CDH13: variants seen among roughly 807,000 people sequenced by gnomAD.
The protein encoded by CDH13 is cadherin 13, also known as cadherin-13.
A neutral mutation model predicts 63.8 loss-of-function variants in CDH13; 24 were observed. The ratio of observed to expected loss-of-function variants is 0.38; its 90% CI spans 0.27 to 0.53. CDH13 has a LOEUF of 0.53. Ranked by LOEUF, CDH13 falls within the 20% of genes least tolerant of loss-of-function variation. The pLI, the probability that CDH13 is intolerant of heterozygous loss-of-function variation, is 0.85. For missense variants in CDH13, 1,049 were observed against 903.1 expected (o/e 1.16, Z -2.07); for synonymous variants, 503 against 355.3 (o/e 1.42, Z -4.67).
intron 3 of CDH13, among the ~76,000 whole-genome samples, chr16:83,067,270 G>T (rs1324990666): frequency 3.3e-5 from 5 of 152,148 alleles, no homozygotes; most frequent in African/African-American, 1.2e-4. Context: ...TGGAGGCTCT[G>T]CATAGTACAG....
chr16:83,461,785 G>A (rs1193438106), intron 6 of CDH13, among the ~76,000 whole-genome samples: 1 of 152,232 alleles, frequency 6.6e-6, no homozygotes, highest in Non-Finnish European at 1.5e-5. Flanking sequence ...TAAGTTTGTA[G>A]CTCATCGGAG....
chr16:83,166,730 G>C (rs533795217), intron 4 of CDH13, among the ~76,000 whole-genome samples: 1 of 152,096 alleles, frequency 6.6e-6, no homozygotes, highest in Non-Finnish European at 1.5e-5. Context: ...TTTTAACTTT[G>C]TGTTGATAAA....
chr16:82,934,841 C>T (rs1029004834), intron 2 of CDH13, among the ~76,000 whole-genome samples: 9 of 152,210 alleles, frequency 5.9e-5, no homozygotes, highest in South Asian at 2.1e-4. Context: ...TCAGCCTGGA[C>T]TTCATTGTCC....
intron 7 of CDH13, among the ~76,000 whole-genome samples, chr16:83,569,446 G>T (rs1904366972): frequency 6.6e-6 from 1 of 152,262 alleles, no homozygotes; most frequent in South Asian, 2.1e-4. Flanking sequence ...GTGGATACTG[G>T]GCTGCAGCCT....
chr16:82,802,579 G>T (rs938444047), intron 1 of CDH13, among the ~76,000 whole-genome samples: 2 of 152,152 alleles, frequency 1.3e-5, no homozygotes, highest in African/African-American at 2.4e-5. Context: ...GAGTAGGTGT[G>T]CCCACAGCCC....
chr16:82,685,554 G>A (rs954133368), intron 1 of CDH13, among the ~76,000 whole-genome samples: 1 of 152,212 alleles, frequency 6.6e-6, no homozygotes, highest in African/African-American at 2.4e-5. Flanking sequence ...GACATCTGGA[G>A]AAAGAATTAT....
intron 5 of CDH13, among the ~76,000 whole-genome samples, chr16:83,330,172 T>C (rs76719419): frequency 0.084 from 12,725 of 152,246 alleles, 684 homozygotes; most frequent in Non-Finnish European, 0.12. Flanking sequence ...AATAAAATTA[T>C]GTATAACTAA....
chr16:82,997,815 G>T (rs11640721), intron 2 of CDH13, among the ~76,000 whole-genome samples: 2 of 152,082 alleles, frequency 1.3e-5, no homozygotes, highest in African/African-American at 4.8e-5. Context: ...CATTTTCTGG[G>T]CTATTTTTAA....
At chr16:83,081,071 G>A (rs1403417391) in intron 3 of CDH13, among the ~76,000 whole-genome samples, 1 of 151,596 alleles carries the variant, frequency 6.6e-6, no homozygotes, top group Non-Finnish European at 1.5e-5. Context: ...AGTACAGACG[G>A]GGTTTCTCCA....
At chr16:83,052,776 C>CAAAAAAAAAAAAAAAAAAAAAAAA (rs71148805) in intron 3 of CDH13, among the ~76,000 whole-genome samples, 1 of 92,920 alleles carries the variant, frequency 1.1e-5, no homozygotes, top group Non-Finnish European at 2.1e-5. Flanking sequence ...GACTTTATCT[C>CAAAAAAAAAAAAAAAAAAAAAAAA]AAAAAAAAAA....
intron 6 of CDH13, among the ~76,000 whole-genome samples, chr16:83,349,274 TTTTCTGA>T (rs1437441898): frequency 1.4e-4 from 22 of 152,262 alleles, no homozygotes; most frequent in African/African-American, 4.6e-4. Flanking sequence ...GAGTTTGGTG[TTTTCTGA>T]TGGCCAAGAC....
rs528567693 is a variant in CDH13, at chr16:83,510,749, T to A, written c.960+24094T>A. On this transcript the variant is annotated intron_variant, in intron 7 of 13. Coordinates refer to ENST00000567109, the MANE Select transcript of CDH13 (RefSeq NM_001257.5). ...CTGTCTAAGCCAAAGGGGGTTTGGG[T>A]TTCTTTCACCACCCACCTGTGCACA... Among the ~76,000 whole-genome samples the A allele has an allele frequency of 1.6e-3, 243 of 152,308 alleles. 3 individuals carry two copies. The highest frequency in any genetic ancestry group is 5.7e-3 in the African/African-American group (236 of 41,562).
chr16:83,560,885 G>A (rs1051664793), intron 7 of CDH13, among the ~76,000 whole-genome samples: 4 of 140,014 alleles, frequency 2.9e-5, no homozygotes, highest in South Asian at 5.1e-4. Context: ...AAGGACAAGT[G>A]TACCATAAGG....
chr16:82,655,834 G>A (rs955090044), intron 1 of CDH13, among the ~76,000 whole-genome samples: 1 of 152,078 alleles, frequency 6.6e-6, no homozygotes, highest in Admixed American at 6.5e-5. Context: ...GAGTAGGCAA[G>A]GTCGCCCAGA....
chr16:83,508,852 C>A (rs1291579440), intron 7 of CDH13, among the ~76,000 whole-genome samples: 3 of 152,180 alleles, frequency 2.0e-5, no homozygotes, highest in African/African-American at 7.2e-5. Flanking sequence ...TTTTAGATAT[C>A]TTGTAACAGG....
chr16:83,708,919 G>A (rs1323722059), intron 10 of CDH13, among the ~76,000 whole-genome samples: 3 of 152,178 alleles, frequency 2.0e-5, no homozygotes, highest in African/African-American at 4.8e-5. Flanking sequence ...TGCTACTCAG[G>A]AGGCTGAGGC....
At chr16:83,743,809 A>G (rs1303120390) in intron 10 of CDH13, among the ~76,000 whole-genome samples, 2 of 134,588 alleles carry the variant, frequency 1.5e-5, no homozygotes, top group African/African-American at 5.7e-5. Flanking sequence ...ACAGAAGGAG[A>G]AAAGATGTAA....
chr16:82,758,016 A>G (rs539177532), intron 1 of CDH13, among the ~76,000 whole-genome samples: 1 of 152,276 alleles, frequency 6.6e-6, no homozygotes, highest in African/African-American at 2.4e-5. Context: ...CAAGTGTGTG[A>G]ATGCAAAGGT....
At chr16:83,271,529 CA>C (rs369596889) in intron 5 of CDH13, among the ~76,000 whole-genome samples, 13 of 108,694 alleles carry the variant, frequency 1.2e-4, no homozygotes, top group Middle Eastern at 4.6e-3. Context: ...ACAACAACAA[CA>C]AAAAAAAACG....
Sources: allele counts gnomAD v4.1 joint callset (sites outside exome capture counted in the v4.1 genomes callset), GRCh38; gene constraint gnomAD v4.1.1; transcripts MANE v1.5; gene names NCBI Gene and HGNC (gene_info 2026-07-23, HGNC 2026-07-21).